URM1: variants seen among roughly 807,000 people sequenced by gnomAD.
URM1 encodes ubiquitin-related modifier 1.
Under a neutral mutation model 17.7 loss-of-function variants are expected in URM1, and 11 were observed. The observed-to-expected ratio is 0.62, with a 90% confidence interval of 0.39 to 1.03. The LOEUF is 1.03. URM1 is among the 50% of genes least tolerant of loss of function. The probability of loss-of-function intolerance (pLI) is 0.00; values close to 1 mark genes in which losing one functional copy is unlikely to be tolerated. For synonymous variants in URM1, 48 were observed against 50.6 expected (o/e 0.95, Z 0.22); for missense variants, 128 against 129.2 (o/e 0.99, Z 0.04).
intron 3 of URM1, chr9:128,388,122 C>A (rs887770043): frequency 2.3e-6 from 3 of 1,330,798 alleles, no homozygotes; most frequent in Admixed American, 6.7e-5. Context: ...TCTCAGAAAA[C>A]TTGGATTCTG....
rs922753956 is a variant in URM1, at chr9:128,389,691, A to T, written c.263A>T (p.Asp88Val). The part of the protein sequence containing the change: ...LLGELDYQLQ[D>V]QDSVLFISTL... ...GGTGAGCTGGACTACCAGCTTCAGG[A>T]CCAGGACAGCGTCCTCTTCATCTCC... Residue 88 changes from aspartate to valine, a missense_variant, in exon 5 of 5, where the codon GAC (aspartate) becomes GTC (valine). Coordinates refer to ENST00000372853, the MANE Select transcript of URM1 (RefSeq NM_030914.4). 1.2e-6 allele frequency: 2 copies of T among 1,613,344 alleles called. No individual in the cohort carries two copies. Among genetic ancestry groups the T allele is most frequent in the African/African-American group, 2.7e-5 (2 of 74,916 alleles).
intron 2 of URM1, among the ~76,000 whole-genome samples, chr9:128,385,812 A>ACGAGTGG (rs1833218944): frequency 6.7e-6 from 1 of 148,658 alleles, no homozygotes. Flanking sequence ...GGGGAACAAT[A>ACGAGTGG]CGAGTGGCGA....
At chr9:128,374,036 G>A (rs1588577239) in intron 1 of URM1, among the ~76,000 whole-genome samples, 1 of 152,152 alleles carries the variant, frequency 6.6e-6, no homozygotes, top group South Asian at 2.1e-4. Context: ...CAAGAATTGG[G>A]GGGGTTGAAG....
In URM1 at chr9:128,381,294, CAAAT is replaced by C. The variant is rs1210777237; in HGVS notation, c.106+3189_106+3192del. ...TGGAGCCAGGGAATAAACAAGTAAA[CAAAT>C]GAATGTATAACTGCGTCATTACAAC... On this transcript the variant is annotated intron_variant, in intron 2 of 4. Transcript: ENST00000372853. Among the ~76,000 whole-genome samples the C allele has an allele frequency of 1.2e-4, 18 of 152,278 alleles. 1 individual carries two copies. Among genetic ancestry groups the C allele is most frequent in the African/African-American group, 2.9e-4 (12 of 41,558 alleles).
At chr9:128,381,396 T>G (rs1327786914) in intron 2 of URM1, among the ~76,000 whole-genome samples, 1 of 152,082 alleles carries the variant, frequency 6.6e-6, no homozygotes, top group Non-Finnish European at 1.5e-5. Context: ...GAGGTCTCTT[T>G]AAGGAGGTAA....
At chr9:128,389,405 G>A in intron 4 of URM1, 96 bp downstream of exon 4, 1 of 1,610,482 alleles carries the variant, frequency 6.2e-7, no homozygotes, top group Non-Finnish European at 8.5e-7. Context: ...TAGAGTGGCT[G>A]GGTAATCCTC....
chr9:128,376,475 T>C lies in URM1; in HGVS notation c.36-1561T>C, dbSNP rs555216158. On this transcript the variant is annotated intron_variant, in intron 1 of 4. Transcript: ENST00000372853. The stretch of plus-strand genomic sequence containing the variant: ...GAGTTCAAGACCAGCCTGGCCACAA[T>C]GGTGAAACCCTGTCTCTATTAAAAA... Among the ~76,000 whole-genome samples, 16 of 149,770 alleles carry C rather than the reference T, an allele frequency of 1.1e-4. No homozygotes were observed. The East Asian group carries it at 3.0e-3, about 28-fold the overall frequency.
chr9:128,389,052 T>C, intron 3 of URM1: 1 of 1,350,920 alleles, frequency 7.4e-7, no homozygotes, highest in Non-Finnish European at 9.5e-7. Flanking sequence ...TTGCACCCAT[T>C]TTCCATCTGG....
chr9:128,374,701 G>A (rs189589423), intron 1 of URM1, among the ~76,000 whole-genome samples: 1 of 152,318 alleles, frequency 6.6e-6, no homozygotes, highest in African/African-American at 2.4e-5. Flanking sequence ...TCTGTTCCCT[G>A]AAATTGGGAA....
rs1448705129 is a variant in URM1, at chr9:128,387,989, A to G, written c.188+92A>G. ...CGGGTTCAGTCCTGGCCTTCTCTGA[A>G]TCCGGTTCTCCCCTTCCTCCTCCCT... On this transcript the variant is annotated intron_variant, in intron 3 of 4. Coordinates refer to ENST00000372853, the MANE Select transcript of URM1 (RefSeq NM_030914.4). This position sits in a 1 kb window ranked among gnomAD's most constrained non-coding sequence, Gnocchi z 4.3. 5.9e-6 allele frequency: 9 copies of G among 1,535,936 alleles called. No homozygotes were observed. The highest frequency in any genetic ancestry group is 1.4e-5 in the African/African-American group (1 of 73,214).
At position 128,387,979 on chromosome 9, in the gene URM1, C is replaced by T; in HGVS notation, c.188+82C>T. On this transcript the variant is annotated intron_variant, in intron 3 of 4. Coordinates refer to ENST00000372853, the MANE Select transcript of URM1 (RefSeq NM_030914.4). This position sits in a 1 kb window ranked among gnomAD's most constrained non-coding sequence, Gnocchi z 4.3. The stretch of plus-strand genomic sequence containing the variant: ...CCCCCACCCTCGGGTTCAGTCCTGG[C>T]CTTCTCTGAATCCGGTTCTCCCCTT... 2 of 1,569,386 alleles carry T rather than the reference C, an allele frequency of 1.3e-6. No individual in the cohort carries two copies. Among genetic ancestry groups the T allele is most frequent in the Non-Finnish European group, 1.7e-6 (2 of 1,155,204 alleles).
At chr9:128,373,964 A>G (rs1833044599) in intron 1 of URM1, among the ~76,000 whole-genome samples, 2 of 152,278 alleles carry the variant, frequency 1.3e-5, no homozygotes, top group African/African-American at 4.8e-5. Context: ...GATACATCAG[A>G]AAAGGTGAAG....
At chr9:128,383,950 G>A (rs576458981) in intron 2 of URM1, among the ~76,000 whole-genome samples, 3 of 152,294 alleles carry the variant, frequency 2.0e-5, no homozygotes, top group African/African-American at 7.2e-5. Flanking sequence ...GGAGCCCAGA[G>A]GATGAGGAAT....
In URM1 at chr9:128,388,982, A is replaced by G. The variant is rs548204566; in HGVS notation, c.189-279A>G. On this transcript the variant is annotated intron_variant, in intron 3 of 4. Transcript: ENST00000372853. ...CACTTATCCCATTTTCAGATGAGGA[A>G]CCTGATACTCAGAAACAAAATGACC... The G allele has an allele frequency of 1.2e-3, 1,505 of 1,271,398 alleles. 2 individuals carry two copies. The highest frequency in any genetic ancestry group is 1.4e-3 in the Non-Finnish European group (1,419 of 1,003,688). The allele number at this position is 1,271,398 out of a possible 1,614,324, so 78.8% of individuals were successfully genotyped here.
chr9:128,371,485 C>A, intron 1 of URM1, 70 bp downstream of exon 1: 1 of 1,530,278 alleles, frequency 6.5e-7, no homozygotes, highest in Non-Finnish European at 9.0e-7. Context: ...TTTCCTTCTG[C>A]CGTGGGGCCT....
rs1213530767 is a variant in URM1 at position 128,387,904 on chromosome 9, C to T, written c.188+7C>T. 10 of 1,613,776 alleles carry T rather than the reference C, an allele frequency of 6.2e-6. No individual in the cohort carries two copies. Among genetic ancestry groups the T allele is most frequent in the Non-Finnish European group, 8.5e-6 (10 of 1,179,970 alleles). On this transcript the variant is annotated splice_region_variant and intron_variant, in intron 3 of 4. Transcript: ENST00000372853. The surrounding 1 kb of genome is among the most constrained non-coding windows in gnomAD (Gnocchi z 4.3). ...TCATCCAGGGAGACAGCGTGTGAGT[C>T]CCACTCCTCCCTTCCCTGAAGCAGG...
At chr9:128,389,523 G>T in intron 4 of URM1, 143 bp from the exon 5 acceptor site, 1 of 1,547,554 alleles carries the variant, frequency 6.5e-7, no homozygotes. Context: ...AAGATTTGCA[G>T]GTTGAGGTAT....
At chr9:128,388,458 G>A (rs1036369750) in intron 3 of URM1, 17 of 985,896 alleles carry the variant, frequency 1.7e-5, no homozygotes, top group Non-Finnish European at 2.0e-5. Flanking sequence ...CAGTTGCCAC[G>A]AAGTTACTTC....
At chr9:128,378,994 G>C (rs1048993639) in intron 2 of URM1, among the ~76,000 whole-genome samples, 58 of 151,690 alleles carry the variant, frequency 3.8e-4, no homozygotes, top group Non-Finnish European at 7.4e-4. Context: ...CTTTGGCTGG[G>C]TAACTGTCAG....
Sources: allele counts gnomAD v4.1 joint callset (sites outside exome capture counted in the v4.1 genomes callset), GRCh38; gene constraint gnomAD v4.1.1; non-coding constraint Gnocchi (gnomAD v3.1); transcripts MANE v1.5; gene names NCBI Gene and HGNC (gene_info 2026-07-23, HGNC 2026-07-21).